The following MAP4 variants were observed in gnomAD, a reference collection of about 807,000 sequenced individuals.
The protein encoded by MAP4 is microtubule associated protein 4, also known as microtubule-associated protein 4.
Under a neutral mutation model 170.2 loss-of-function variants are expected in MAP4, and 76 were observed. The observed-to-expected ratio is 0.45, with a 90% CI of 0.37 to 0.54. The LOEUF is 0.54. MAP4 is among the 20% of genes least tolerant of loss of function. The probability of loss-of-function intolerance (pLI) is 0.00; values close to 1 mark genes in which losing one functional copy is unlikely to be tolerated. For missense variants in MAP4, 2,506 were observed against 2,748.0 expected (o/e 0.91, Z 1.97); for synonymous variants, 909 against 994.5 (o/e 0.91, Z 1.62).
chr3:48,038,885 C>G (rs978539048), intron 1 of MAP4, among the ~76,000 whole-genome samples: 4 of 152,064 alleles, frequency 2.6e-5, no homozygotes, highest in South Asian at 2.1e-4. Context: ...GCAGATCACA[C>G]GAGCCCAGGA....
chr3:47,960,287 T>C (rs897468349), intron 3 of MAP4: 4 of 222,898 alleles, frequency 1.8e-5, no homozygotes, highest in Non-Finnish European at 3.9e-5. Flanking sequence ...CAGCAGATGC[T>C]TGTGATTCTG....
chr3:48,050,577 T>A (rs1279505058), intron 1 of MAP4, among the ~76,000 whole-genome samples: 1 of 151,382 alleles, frequency 6.6e-6, no homozygotes, highest in African/African-American at 2.4e-5. Context: ...CTGATTTTCT[T>A]AGTGTTGTTT....
In MAP4 at chr3:47,916,827, C is replaced by T. The variant is rs2100039725; in HGVS notation, c.1000G>A (p.Val334Met). The change falls in exon 7 of 21, where the codon GTG (valine) becomes ATG (methionine). Residue 334 changes from valine to methionine, a missense_variant. This residue lies in a region of MAP4 where 2,008 missense variants were observed against 2,206.0 expected (regional missense o/e 0.91). Transcript: ENST00000683076. ...ACCTCTGTTTCTGTGGGCAGTACCA[C>T]ATTCTTGGCTGAAGATACATCTGTT... is the stretch of plus-strand genomic sequence containing the variant. ...TETDVSSAKN[V>M]VLPTETEVAP... 1 of 1,614,260 alleles carries T rather than the reference C, an allele frequency of 6.2e-7. No homozygotes were observed. The highest frequency in any genetic ancestry group is 1.3e-5 in the African/African-American group (1 of 75,070).
At chr3:48,056,930 G>A (rs2100132286) in intron 1 of MAP4, among the ~76,000 whole-genome samples, 1 of 137,312 alleles carries the variant, frequency 7.3e-6, no homozygotes, top group Non-Finnish European at 1.6e-5. Context: ...GTCCGGGAGG[G>A]AGGTGGGGGG....
chr3:48,024,285 G>A (rs767754585), intron 1 of MAP4, among the ~76,000 whole-genome samples: 31 of 152,138 alleles, frequency 2.0e-4, no homozygotes, highest in Non-Finnish European at 4.0e-4. Context: ...ACTCCAGCCT[G>A]GGCAACAGAG....
intron 1 of MAP4, among the ~76,000 whole-genome samples, chr3:48,021,870 T>C (rs1346191518): frequency 1.3e-5 from 2 of 152,180 alleles, no homozygotes; most frequent in African/African-American, 2.4e-5. Context: ...TTCTAACCTA[T>C]GGCAATGTCA....
Position 48,008,462 on chromosome 3 carries a change from T to C in MAP4, c.-20+7872A>G, listed in dbSNP as rs985698412. On this transcript the variant is annotated intron_variant, in intron 1 of 20. Coordinates refer to ENST00000683076, the MANE Select transcript of MAP4 (RefSeq NM_001385682.1). ...GCAGAACTTCGAGCAGTGCACCTGGTTGTGCACTTTGAATGGAAGGAGAAA... is the reference window on the plus strand; with the variant it reads ...GCAGAACTTCGAGCAGTGCACCTGGCTGTGCACTTTGAATGGAAGGAGAAA... 2.6e-5 allele frequency among the ~76,000 whole-genome samples: 4 copies of C among 152,152 alleles called. No individual in the cohort carries two copies. The East Asian group carries it at 7.7e-4, about 29-fold the overall frequency.
At chr3:47,990,297 G>A (rs1168365080) in intron 2 of MAP4, among the ~76,000 whole-genome samples, 1 of 152,118 alleles carries the variant, frequency 6.6e-6, no homozygotes, top group Non-Finnish European at 1.5e-5. Flanking sequence ...ACCTATTATG[G>A]CTTGTTAAAA....
intron 1 of MAP4, among the ~76,000 whole-genome samples, chr3:48,070,971 G>A (rs1181338390): frequency 1.3e-5 from 2 of 152,054 alleles, no homozygotes; most frequent in African/African-American, 2.4e-5. Context: ...GCTACAGGGA[G>A]CAGTGATCAC....
At chr3:48,055,236 G>A (rs951562303) in intron 1 of MAP4, among the ~76,000 whole-genome samples, 2 of 135,518 alleles carry the variant, frequency 1.5e-5, no homozygotes, top group African/African-American at 2.9e-5. Context: ...CTCCGTCTCC[G>A]TCTCCCCATG....
chr3:47,949,055 A>T (rs1432530416), intron 3 of MAP4, among the ~76,000 whole-genome samples: 1 of 152,226 alleles, frequency 6.6e-6, no homozygotes, highest in Non-Finnish European at 1.5e-5. Flanking sequence ...AATCTAACAT[A>T]AAAAAGACAA....
intron 12 of MAP4, 45 bp from the exon 13 acceptor site, chr3:47,872,145 C>T (rs2093527275): frequency 6.7e-7 from 1 of 1,501,788 alleles, no homozygotes; most frequent in African/African-American, 1.4e-5. Flanking sequence ...TCAGCAATAG[C>T]CCCAAGGAGT....
At chr3:48,042,973 TTATTG>T (rs1469051514) in intron 1 of MAP4, among the ~76,000 whole-genome samples, 9 of 152,150 alleles carry the variant, frequency 5.9e-5, no homozygotes, top group African/African-American at 9.7e-5. Context: ...GGCTTGGGGT[TTATTG>T]TATTAGGGAG....
intron 17 of MAP4, among the ~76,000 whole-genome samples, chr3:47,858,573 G>T (rs1017738068): frequency 6.7e-6 from 1 of 149,610 alleles, no homozygotes; most frequent in Non-Finnish European, 1.5e-5. Context: ...CCCCTTGGGA[G>T]AGGTGAGGGG....
At chr3:48,086,078 A>ATATG (rs1350631150) in intron 1 of MAP4, among the ~76,000 whole-genome samples, 4 of 151,446 alleles carry the variant, frequency 2.6e-5, no homozygotes, top group Admixed American at 2.6e-4. Context: ...ATGTGTGTGT[A>ATATG]TATGTATGTA....
At chr3:47,950,581 T>A (rs578213925) in intron 3 of MAP4, among the ~76,000 whole-genome samples, 9 of 147,166 alleles carry the variant, frequency 6.1e-5, no homozygotes, top group Admixed American at 2.7e-4. Context: ...AAATTATGTT[T>A]AAAAAAAAAA....
At chr3:48,029,215 A>ATC (rs2100114675) in intron 1 of MAP4, among the ~76,000 whole-genome samples, 1 of 152,030 alleles carries the variant, frequency 6.6e-6, no homozygotes, top group Non-Finnish European at 1.5e-5. Context: ...AAGCGGGCAG[A>ATC]TCACTTGAGG....
rs939662210 is a variant in MAP4, at chr3:47,864,626, G to A, written c.6501+2620C>T. On this transcript the variant is annotated intron_variant, in intron 17 of 20. Coordinates refer to ENST00000683076, the MANE Select transcript of MAP4 (RefSeq NM_001385682.1). ...CGGGAGGCGGAGCTTGCAGTGAGCCGAGATCGCACCACTGCACTCCAGCCT... is the reference window on the plus strand; with the variant it reads ...CGGGAGGCGGAGCTTGCAGTGAGCCAAGATCGCACCACTGCACTCCAGCCT... Among the ~76,000 whole-genome samples, 14 of 152,152 alleles carry A rather than the reference G, an allele frequency of 9.2e-5. No homozygotes were observed. The East Asian group carries it at 1.5e-3, about 17-fold the overall frequency.
chr3:47,949,194 G>T (rs59963547), intron 3 of MAP4, among the ~76,000 whole-genome samples: 2 of 151,970 alleles, frequency 1.3e-5, no homozygotes, highest in Non-Finnish European at 2.9e-5. Flanking sequence ...AGCTGGGCAC[G>T]GTGGCTCACG....
Sources: gnomAD v4.1 joint callset for allele counts (sites outside exome capture counted in the v4.1 genomes callset) on GRCh38, gnomAD v4.1.1 for gene constraint, gnomAD v4.1.1 regional missense constraint, MANE v1.5 for transcripts, NCBI Gene and HGNC (gene_info 2026-07-23, HGNC 2026-07-21) for gene names.